RBFOX1: variants seen among roughly 807,000 people sequenced by gnomAD.
RBFOX1 encodes the protein RNA binding protein fox-1 homolog 1.
RBFOX1 carries 8 observed loss-of-function variants against 57.7 expected under a neutral mutation model. The ratio of observed to expected loss-of-function variants is 0.14; its 90% CI spans 0.08 to 0.25. RBFOX1 has a LOEUF of 0.25. Ranked by LOEUF, RBFOX1 falls within the 10% of genes least tolerant of loss-of-function variation. The pLI, the probability that RBFOX1 is intolerant of heterozygous loss-of-function variation, is 1.00. For synonymous variants in RBFOX1, 326 were observed against 222.4 expected, an observed-to-expected ratio of 1.47 and a Z score of -4.15; for missense variants, 611 against 548.5, an observed-to-expected ratio of 1.11 and a Z score of -1.14.
At chr16:5,624,787 T>C (rs75371983) in intron 3 of RBFOX1, among the ~76,000 whole-genome samples, 3 of 152,218 alleles carry the variant, frequency 2.0e-5, no homozygotes, top group Admixed American at 6.5e-5. Flanking sequence ...GAAGCTCATA[T>C]GCTGAGTGCC....
intron 3 of RBFOX1, among the ~76,000 whole-genome samples, chr16:6,875,496 C>T (rs1429190160): frequency 1.3e-5 from 2 of 152,106 alleles, no homozygotes; most frequent in Non-Finnish European, 2.9e-5. Flanking sequence ...CCCTTAAGTG[C>T]AGTATACATC....
intron 3 of RBFOX1, among the ~76,000 whole-genome samples, chr16:6,840,475 G>A (rs1366865837): frequency 6.6e-6 from 1 of 152,054 alleles, no homozygotes; most frequent in Non-Finnish European, 1.5e-5. Flanking sequence ...GAATGTTCAT[G>A]TCCCCCTAAA....
chr16:5,504,943 G>C (rs935549114), intron 2 of RBFOX1, among the ~76,000 whole-genome samples: 1 of 152,182 alleles, frequency 6.6e-6, no homozygotes. Context: ...TGAATCAGTG[G>C]TTGTCCTAGG....
chr16:6,279,029 A>G (rs1368112489), intron 1 of RBFOX1, among the ~76,000 whole-genome samples: 2 of 152,164 alleles, frequency 1.3e-5, no homozygotes, highest in Non-Finnish European at 2.9e-5. Context: ...TGCAAAATTA[A>G]TTGATCCTGG....
intron 2 of RBFOX1, among the ~76,000 whole-genome samples, chr16:6,353,457 G>A (rs2086748813): frequency 6.6e-6 from 1 of 151,742 alleles, no homozygotes; most frequent in African/African-American, 2.4e-5. Flanking sequence ...TTTGATTTCT[G>A]TAATAAGCTG....
At chr16:7,126,523 A>G (rs1263943651) in intron 4 of RBFOX1, 3 of 219,664 alleles carry the variant, frequency 1.4e-5, no homozygotes, top group Admixed American at 8.3e-5. Context: ...TTTTGAATAC[A>G]AATTTCTTAA....
chr16:7,092,487 A>C (rs968674389), intron 4 of RBFOX1, among the ~76,000 whole-genome samples: 1 of 152,250 alleles, frequency 6.6e-6, no homozygotes, highest in Non-Finnish European at 1.5e-5. Flanking sequence ...CAGCCTCTTT[A>C]ATACTGTATA....
At chr16:6,555,021 G>C (rs1228965013) in intron 2 of RBFOX1, among the ~76,000 whole-genome samples, 1 of 152,074 alleles carries the variant, frequency 6.6e-6, no homozygotes, top group Non-Finnish European at 1.5e-5. Context: ...TCTTAGCATG[G>C]AGGAATGAGA....
At chr16:6,840,925 C>G (rs2093427308) in intron 3 of RBFOX1, among the ~76,000 whole-genome samples, 1 of 141,180 alleles carries the variant, frequency 7.1e-6, no homozygotes, top group South Asian at 2.3e-4. Context: ...TTTGAGAGAC[C>G]CCTCACCGCT....
chr16:6,463,477 G>T (rs1307111847), intron 2 of RBFOX1, among the ~76,000 whole-genome samples: 1 of 152,118 alleles, frequency 6.6e-6, no homozygotes, highest in Non-Finnish European at 1.5e-5. Flanking sequence ...TAACATTTGG[G>T]GTCAGAAGCT....
At chr16:6,798,175 GTC>G (rs1419217903) in intron 3 of RBFOX1, among the ~76,000 whole-genome samples, 1 of 152,114 alleles carries the variant, frequency 6.6e-6, no homozygotes, top group Non-Finnish European at 1.5e-5. Context: ...GGCGTTTCTA[GTC>G]TCTTCTCTGG....
intron 4 of RBFOX1, among the ~76,000 whole-genome samples, chr16:7,179,366 C>G (rs2082259895): frequency 6.6e-6 from 1 of 152,090 alleles, no homozygotes; most frequent in African/African-American, 2.4e-5. Context: ...GAACATAATT[C>G]TAAAAATCCC....
chr16:7,705,228 C>T (rs965453103), intron 14 of RBFOX1, among the ~76,000 whole-genome samples: 56 of 149,798 alleles, frequency 3.7e-4, no homozygotes, highest in African/African-American at 1.2e-3. Flanking sequence ...CTGTGTGGGC[C>T]GGGCATGGTG....
Position 5,937,727 on chromosome 16 carries a change from A to G in RBFOX1, c.351+70392A>G, listed in dbSNP as rs142861820. 3.7e-3 allele frequency among the ~76,000 whole-genome samples: 560 copies of G among 149,512 alleles called. 3 individuals carry two copies. Among genetic ancestry groups the G allele is most frequent in the Non-Finnish European group, 6.6e-3 (443 of 67,514 alleles). Reference sequence around the variant, plus strand: ...AAGTAGTATAGTTATATATAGTTACATATCTCCATATAACTATAAATATGT... The same window carrying G: ...AAGTAGTATAGTTATATATAGTTACGTATCTCCATATAACTATAAATATGT... On this transcript the variant is annotated intron_variant, in intron 4 of 19. Coordinates refer to the RBFOX1 transcript ENST00000641259.
chr16:5,352,723 G>T (rs1015501280), intron 1 of RBFOX1, among the ~76,000 whole-genome samples: 1 of 151,734 alleles, frequency 6.6e-6, no homozygotes, highest in African/African-American at 2.4e-5. Flanking sequence ...TGGGGGGATT[G>T]CTTGAGCCCA....
intron 2 of RBFOX1, among the ~76,000 whole-genome samples, chr16:6,640,498 C>T (rs1307945241): frequency 1.3e-5 from 2 of 152,014 alleles, no homozygotes; most frequent in Admixed American, 1.3e-4. Context: ...ATCCCAGGTA[C>T]TTGGGAGGCT....
intron 4 of RBFOX1, among the ~76,000 whole-genome samples, chr16:7,336,271 G>A (rs565986887): frequency 4.6e-5 from 7 of 152,324 alleles, no homozygotes; most frequent in African/African-American, 1.7e-4. Flanking sequence ...TATTTGGTTA[G>A]TGTTTGGGTC....
At chr16:6,791,218 A>G (rs112628484) in intron 3 of RBFOX1, among the ~76,000 whole-genome samples, 50 of 152,188 alleles carry the variant, frequency 3.3e-4, no homozygotes, top group African/African-American at 1.0e-3. Flanking sequence ...GTTCTTGTCT[A>G]TCTTTATAGA....
chr16:7,235,089 A>T (rs1055540987), intron 4 of RBFOX1, among the ~76,000 whole-genome samples: 1 of 152,202 alleles, frequency 6.6e-6, no homozygotes, highest in Non-Finnish European at 1.5e-5. Flanking sequence ...GAAGAATGTA[A>T]AACAGAAAAA....
Sources: allele counts gnomAD v4.1 joint callset (sites outside exome capture counted in the v4.1 genomes callset), GRCh38; gene constraint gnomAD v4.1.1; transcripts MANE v1.5; gene names NCBI Gene and HGNC (gene_info 2026-07-23, HGNC 2026-07-21).